The following ROBO2 variants were observed in gnomAD, a reference collection of about 807,000 sequenced individuals.
ROBO2 encodes roundabout guidance receptor 2, also known as roundabout homolog 2.
Under a neutral mutation model 160.8 loss-of-function variants are expected in ROBO2, and 53 were observed. That is an observed-to-expected ratio of 0.33 (90% CI 0.26 to 0.41). The LOEUF (loss-of-function observed/expected upper bound fraction) is 0.41, where lower values mean the gene tolerates loss of function less well. Among genes scored for constraint, ROBO2 ranks in the 10% least tolerant of loss-of-function variants. The probability of loss-of-function intolerance (pLI) is 1.00; values close to 1 mark genes in which losing one functional copy is unlikely to be tolerated. For missense variants in ROBO2, 1,577 were observed against 1,722.4 expected, an observed-to-expected ratio of 0.92 and a Z score of 1.49; for synonymous variants, 664 against 611.7, an observed-to-expected ratio of 1.09 and a Z score of -1.26.
chr3:76,510,451 C>T (rs1350436615), intron 2 of ROBO2, among the ~76,000 whole-genome samples: 1 of 152,072 alleles, frequency 6.6e-6, no homozygotes, highest in East Asian at 1.9e-4. Flanking sequence ...TGGCTGGGGG[C>T]AGTGGCTCAC....
intron 2 of ROBO2, among the ~76,000 whole-genome samples, chr3:76,769,979 G>GA (rs1389280740): frequency 4.0e-5 from 6 of 151,464 alleles, no homozygotes; most frequent in African/African-American, 1.4e-4. Context: ...AAGCTTCCAA[G>GA]AAAAAATATT....
At chr3:76,513,447 C>G (rs774300264) in intron 2 of ROBO2, among the ~76,000 whole-genome samples, 1 of 152,084 alleles carries the variant, frequency 6.6e-6, no homozygotes, top group Non-Finnish European at 1.5e-5. Flanking sequence ...CCACCTCCTT[C>G]CTGGGTTCAA....
At chr3:77,198,703 C>T (rs1164190230) in intron 2 of ROBO2, among the ~76,000 whole-genome samples, 1 of 152,148 alleles carries the variant, frequency 6.6e-6, no homozygotes, top group Non-Finnish European at 1.5e-5. Flanking sequence ...GAATTCTAGA[C>T]TAGCCTAGCC....
chr3:76,563,965 A>T (rs1311342477), intron 2 of ROBO2, among the ~76,000 whole-genome samples: 1 of 152,202 alleles, frequency 6.6e-6, no homozygotes, highest in Admixed American at 6.5e-5. Context: ...CAGCACTTTG[A>T]GAGGCCAAGG....
chr3:77,397,176 T>A (rs1310901774), intron 2 of ROBO2, among the ~76,000 whole-genome samples: 3 of 152,142 alleles, frequency 2.0e-5, no homozygotes, highest in Non-Finnish European at 2.9e-5. Flanking sequence ...AAAGTCCGTC[T>A]GTTCATATTC....
intron 2 of ROBO2, among the ~76,000 whole-genome samples, chr3:77,112,121 G>A (rs572353970): frequency 6.6e-6 from 1 of 150,916 alleles, no homozygotes; most frequent in East Asian, 2.0e-4. Flanking sequence ...GAGCCCAGGA[G>A]GCGGAGGTTG....
chr3:77,621,719 G>C (rs138783656), intron 22 of ROBO2, among the ~76,000 whole-genome samples: 158 of 152,254 alleles, frequency 1.0e-3, no homozygotes, highest in African/African-American at 3.6e-3. Flanking sequence ...ATGTGAGAGA[G>C]ATCGTGTGGG....
rs57591523 is a variant in ROBO2, at chr3:76,504,519, C to CTT, written c.109+566944_109+566945dup. Among the ~76,000 whole-genome samples the CTT allele has an allele frequency of 1.8e-3, 131 of 73,546 alleles. 4 individuals carry two copies. The highest frequency in any genetic ancestry group is 3.3e-3 in the Admixed American group (17 of 5,124). The allele number at this position is 73,546 out of a possible 152,430, so 48.2% of individuals were successfully genotyped here. On this transcript the variant is annotated intron_variant, in intron 2 of 26. Coordinates refer to the ROBO2 transcript ENST00000487694. ...TTCATCAGTAAGCTTAGAAAATACT[C>CTT]TTTTTTTTTTTTTTTTTTTTTTTTT...
intron 2 of ROBO2, among the ~76,000 whole-genome samples, chr3:77,266,463 C>T (rs2059130427): frequency 6.6e-6 from 1 of 152,102 alleles, no homozygotes; most frequent in Non-Finnish European, 1.5e-5. Flanking sequence ...CTGATGAGGG[C>T]TTCCTGTTAC....
intron 2 of ROBO2, among the ~76,000 whole-genome samples, chr3:76,122,640 AGTTAT>A (rs1207661350): frequency 5.3e-5 from 8 of 152,056 alleles, no homozygotes; most frequent in African/African-American, 1.9e-4. Context: ...GAAGTTTATT[AGTTAT>A]GTTATTTAAG....
intron 2 of ROBO2, among the ~76,000 whole-genome samples, chr3:76,640,171 T>C (rs2109664941): frequency 6.6e-6 from 1 of 152,306 alleles, no homozygotes; most frequent in South Asian, 2.1e-4. Flanking sequence ...AGGATGAACT[T>C]TGTGGTGCTG....
At chr3:76,998,824 A>T (rs185234814) in intron 2 of ROBO2, among the ~76,000 whole-genome samples, 1 of 152,310 alleles carries the variant, frequency 6.6e-6, no homozygotes, top group Non-Finnish European at 1.5e-5. Flanking sequence ...CACTGCAGAC[A>T]GGCTTGCCAA....
intron 2 of ROBO2, among the ~76,000 whole-genome samples, chr3:76,216,857 A>T (rs1375351704): frequency 2.0e-5 from 3 of 152,212 alleles, no homozygotes; most frequent in African/African-American, 7.2e-5. Flanking sequence ...CAGAATATAA[A>T]TTCTTTTCAG....
At chr3:76,506,181 CATATCTTTTACAATGTA>C (rs1217810980) in intron 2 of ROBO2, among the ~76,000 whole-genome samples, 1 of 152,156 alleles carries the variant, frequency 6.6e-6, no homozygotes, top group African/African-American at 2.4e-5. Context: ...GCTGGGCACA[CATATCTTTTACAATGTA>C]ATATCTTGCT....
intron 2 of ROBO2, among the ~76,000 whole-genome samples, chr3:76,576,784 A>T (rs1443810682): frequency 6.8e-6 from 1 of 148,056 alleles, no homozygotes; most frequent in African/African-American, 2.5e-5. Flanking sequence ...GTCTCACAAA[A>T]AAAAAAAAAA....
chr3:76,500,045 A>G (rs1414800024), intron 2 of ROBO2, among the ~76,000 whole-genome samples: 4 of 152,210 alleles, frequency 2.6e-5, no homozygotes, highest in African/African-American at 4.8e-5. Context: ...ATGAGAGTCA[A>G]ACACCCAAAC....
At chr3:76,898,431 A>G (rs1194387110) in intron 2 of ROBO2, among the ~76,000 whole-genome samples, 2 of 152,114 alleles carry the variant, frequency 1.3e-5, no homozygotes, top group African/African-American at 4.8e-5. Context: ...TTTATAAATA[A>G]TATGTATAAA....
At chr3:76,186,027 G>A (rs137858590) in intron 2 of ROBO2, among the ~76,000 whole-genome samples, 21 of 150,070 alleles carry the variant, frequency 1.4e-4, no homozygotes, top group African/African-American at 4.7e-4. Flanking sequence ...TCAAGCTCCT[G>A]CAATCAAGCC....
intron 1 of ROBO2, among the ~76,000 whole-genome samples, chr3:77,069,902 A>T (rs2067234010): frequency 6.6e-6 from 1 of 152,172 alleles, no homozygotes; most frequent in Admixed American, 6.5e-5. Flanking sequence ...TTAAAATCAT[A>T]ACCCCTGGTG....
Sources: allele counts gnomAD v4.1 joint callset (sites outside exome capture counted in the v4.1 genomes callset), GRCh38; gene constraint gnomAD v4.1.1; transcripts MANE v1.5; gene names NCBI Gene and HGNC (gene_info 2026-07-23, HGNC 2026-07-21).